PRG4: variants seen among roughly 807,000 people sequenced by gnomAD.
The protein encoded by PRG4 is proteoglycan 4.
PRG4 carries 61 observed loss-of-function variants against 91.2 expected under a neutral mutation model. The ratio of observed to expected loss-of-function variants is 0.67; its 90% CI spans 0.54 to 0.83. The LOEUF is 0.83. Among genes scored for constraint, PRG4 ranks in the 40% least tolerant of loss-of-function variants. The pLI is 0.00. For missense variants in PRG4, 1,564 were observed against 1,714.2 expected, an observed-to-expected ratio of 0.91 and a Z score of 1.55; for synonymous variants, 576 against 614.2, an observed-to-expected ratio of 0.94 and a Z score of 0.92.
chr1:186,301,781 A>G, intron 4 of PRG4, 70 bp downstream of exon 4: 2 of 1,532,830 alleles, frequency 1.3e-6, no homozygotes, highest in Non-Finnish European at 1.8e-6. Flanking sequence ...AGCATCACTG[A>G]TAATGTCTAA....
rs949655535 is a variant in PRG4, at chr1:186,304,207, C to G, written c.419C>G (p.Pro140Arg). The change falls in exon 5 of 13, where the codon CCA becomes CGA. Residue 140 changes from proline to arginine, a missense_variant. By Grantham distance (103) the Pro-to-Arg change is moderately radical. This residue lies in a region of PRG4 where 437 missense variants were observed against 459.0 expected (regional missense o/e 0.95). Transcript: ENST00000445192. ...ACAACCAAACGTTCACCCAAACCACCAAACAAGAAGAAGACTAAGAAAGTT... is the reference window on the plus strand; with the variant it reads ...ACAACCAAACGTTCACCCAAACCACGAAACAAGAAGAAGACTAAGAAAGTT... The part of the protein sequence containing the change: ...KSTTKRSPKP[P>R]NKKKTKKVIE... The G allele has an allele frequency of 1.5e-5, 25 of 1,613,568 alleles. No individual in the cohort carries two copies. The highest frequency in any genetic ancestry group is 1.9e-5 in the Non-Finnish European group (22 of 1,179,636).
intron 12 of PRG4, 187 bp downstream of exon 12, chr1:186,313,081 C>T (rs1451391877): frequency 1.6e-6 from 1 of 617,424 alleles, no homozygotes; most frequent in African/African-American, 1.8e-5. Flanking sequence ...CACTGCAATT[C>T]AATTCTGCTC....
Position 186,308,392 on chromosome 1 carries a change from C to T in PRG4, c.2673C>T (p.Asn891=), listed in dbSNP as rs1656902970. ...AACCCACACCAAAAGCTCTTGAAAA[C>T]AGTCCCAAGGAACCTGGTGTACCTA... ...SAEPTPKALE[N]SPKEPGVPTT... Residue 891 remains asparagine, a synonymous_variant, in exon 7 of 13, where the codon AAC becomes AAT. Transcript: ENST00000445192. 5 of 1,613,940 alleles carry T rather than the reference C, an allele frequency of 3.1e-6. No homozygotes were observed. The highest frequency in any genetic ancestry group is 4.2e-6 in the Non-Finnish European group (5 of 1,180,038).
chr1:186,301,958 A>T (rs1319343119), intron 4 of PRG4, among the ~76,000 whole-genome samples: 3 of 152,294 alleles, frequency 2.0e-5, no homozygotes, highest in Middle Eastern at 3.4e-3. Context: ...AACATAGAGG[A>T]TGAGGCTGAA....
At chr1:186,300,013 G>T (rs1656095573) in intron 2 of PRG4, 78 bp from the exon 3 acceptor site, 4 of 1,532,342 alleles carry the variant, frequency 2.6e-6, no homozygotes, top group Non-Finnish European at 1.8e-6. Flanking sequence ...TCACCAAGTG[G>T]CTTTGTCCCC....
chr1:186,314,060 C>T lies in PRG4; in HGVS notation c.*282C>T. ...GAAAAAAGAATCAAATTGAATATAT[C>T]TTTTAAGAATTCAAAACTAGTGTAT... is the stretch of plus-strand genomic sequence containing the variant. On this transcript the variant is annotated 3_prime_UTR_variant, in exon 13 of 13. Transcript: ENST00000445192. 2 of 1,591,630 alleles carry T rather than the reference C, an allele frequency of 1.3e-6. No individual in the cohort carries two copies. Among genetic ancestry groups the T allele is most frequent in the Non-Finnish European group, 1.7e-6 (2 of 1,168,370 alleles).
At chr1:186,298,480 G>C (rs1333579848) in intron 2 of PRG4, among the ~76,000 whole-genome samples, 1 of 150,836 alleles carries the variant, frequency 6.6e-6, no homozygotes, top group Non-Finnish European at 1.5e-5. Flanking sequence ...TTCCTGTAAG[G>C]ATGATTTCCT....
chr1:186,308,792 A>G lies in PRG4; in HGVS notation c.3073A>G (p.Thr1025Ala), dbSNP rs1557958431. ...KATTPKPQKP[T>A]KAPKKPTSTK... ...GACAACTCCTAAACCTCAAAAGCCA[A>G]CCAAAGCACCCAAAAAACCCACTTC... Residue 1025 changes from threonine to alanine, a missense_variant, in exon 7 of 13, where the codon ACC becomes GCC. Thr to Ala is a moderately conservative substitution (Grantham distance 58, BLOSUM62 0). This residue lies in a region of PRG4 where 1,079 missense variants were observed against 1,162.2 expected (regional missense o/e 0.93). Coordinates refer to ENST00000445192, the MANE Select transcript of PRG4 (RefSeq NM_005807.6). 1 of 1,613,926 alleles carries G rather than the reference A, an allele frequency of 6.2e-7. No individual in the cohort carries two copies. The highest frequency in any genetic ancestry group is 8.5e-7 in the Non-Finnish European group (1 of 1,180,014).
At position 186,308,968 on chromosome 1, in the gene PRG4, A is replaced by G. The variant is rs376946019; in HGVS notation, c.3249A>G (p.Pro1083=). Residue 1083 remains proline (P), a synonymous_variant, in exon 7 of 13, where the codon CCA becomes CCG. Coordinates refer to ENST00000445192, the MANE Select transcript of PRG4 (RefSeq NM_005807.6). ...LQTTTRPNQT[P]NSKLVEVNPK... ...CCACCACCAGACCTAACCAAACTCCAAACTCCAAACTAGTTGAAGTAAATC... is the reference window on the plus strand; with the variant it reads ...CCACCACCAGACCTAACCAAACTCCGAACTCCAAACTAGTTGAAGTAAATC... 3.1e-6 allele frequency: 5 copies of G among 1,607,264 alleles called. No individual in the cohort carries two copies. The highest frequency in any genetic ancestry group is 1.3e-5 in the African/African-American group (1 of 74,432).
Position 186,300,071 on chromosome 1 carries a change from C to T in PRG4, c.77-20C>T. ...ATAAAGTGGTTTGGCCATATTTACG[C>T]CAGTATTGTATAATTTTAGATTTAT... On this transcript the variant is annotated intron_variant, in intron 2 of 12. Transcript: ENST00000445192. 6.2e-7 allele frequency: 1 copy of T among 1,613,764 alleles called. No homozygotes were observed. Among genetic ancestry groups the T allele is most frequent in the Non-Finnish European group, 8.5e-7 (1 of 1,179,680 alleles).
At chr1:186,299,896 T>C (rs1656087717) in intron 2 of PRG4, among the ~76,000 whole-genome samples, 195 bp from the exon 3 acceptor site, 1 of 152,154 alleles carries the variant, frequency 6.6e-6, no homozygotes. Context: ...CTCAGTCTAG[T>C]GAAGAATAAA....
Position 186,309,012 on chromosome 1 carries a change from G to A in PRG4, c.3293G>A (p.Gly1098Asp). 3 of 1,611,144 alleles carry A rather than the reference G, an allele frequency of 1.9e-6. No homozygotes were observed. Among genetic ancestry groups the A allele is most frequent in the Non-Finnish European group, 2.5e-6 (3 of 1,178,158 alleles). Reference sequence around the variant, plus strand: ...GTAAATCCAAAGAGTGAAGATGCAGGTGGTGCTGAAGGAGAAACACCTCAT... The same window carrying A: ...GTAAATCCAAAGAGTGAAGATGCAGATGGTGCTGAAGGAGAAACACCTCAT... ...VEVNPKSEDAGGAEGETPHML... is the reference protein window; with the variant it reads ...VEVNPKSEDADGAEGETPHML... The change falls in exon 7 of 13, where the codon GGT (glycine) becomes GAT (aspartate). Residue 1098 changes from glycine (G) to aspartate (D), a missense_variant. Transcript: ENST00000445192.
At chr1:186,296,676 T>C (rs1429492287) in intron 1 of PRG4, among the ~76,000 whole-genome samples, 170 bp from the exon 2 acceptor site, 2 of 152,220 alleles carry the variant, frequency 1.3e-5, no homozygotes, top group East Asian at 3.8e-4. Context: ...AGATTAAGTC[T>C]AATGGCCAAA....
In PRG4 at chr1:186,303,440, C is replaced by T. The variant is rs1434222286; in HGVS notation, c.320-668C>T. 5.8e-5 allele frequency among the ~76,000 whole-genome samples: 8 copies of T among 138,880 alleles called. No individual in the cohort carries two copies. The South Asian group carries it at 1.4e-3, about 25-fold the overall frequency. The allele number at this position is 138,880 out of a possible 152,430, so 91.1% of individuals were successfully genotyped here. A position where few individuals can be genotyped will look rare whatever the true frequency, so the allele number is the denominator to read the frequency against. ...TGCTGTTTTCTTATCCTTCATTAGT[C>T]CCTCTTCTTGTTCCTAAAAAAAAAA... On this transcript the variant is annotated intron_variant, in intron 4 of 12. Transcript: ENST00000445192.
Position 186,308,541 on chromosome 1 carries a change from C to T in PRG4, c.2822C>T (p.Thr941Ile). 1.9e-6 allele frequency: 3 copies of T among 1,613,676 alleles called. No individual in the cohort carries two copies. The highest frequency in any genetic ancestry group is 1.7e-6 in the Non-Finnish European group (2 of 1,180,026). The change falls in exon 7 of 13, where the codon ACA (threonine) becomes ATA (isoleucine). Residue 941 changes from threonine to isoleucine, a missense_variant. This residue lies in a region of PRG4 where 1,079 missense variants were observed against 1,162.2 expected (regional missense o/e 0.93). Transcript: ENST00000445192. ...GCTGCACCTAAGATGACAAAAGAGA[C>T]AGCAACTACAACAGAAAAAACTACC... is the stretch of plus-strand genomic sequence containing the variant. ...TTAAPKMTKE[T>I]ATTTEKTTES... is the part of the protein sequence containing the mutation.
chr1:186,304,034 T>C, intron 4 of PRG4, 74 bp from the exon 5 acceptor site: 1 of 1,508,538 alleles, frequency 6.6e-7, no homozygotes, highest in South Asian at 1.1e-5. Context: ...GCTAGATGCA[T>C]CTGTGCTTTT....
chr1:186,305,001 C>A (rs6425024), intron 6 of PRG4, 79 bp downstream of exon 6: 2 of 1,445,110 alleles, frequency 1.4e-6, no homozygotes, highest in Non-Finnish European at 1.9e-6. Flanking sequence ...TGCGTGTTGG[C>A]AGAATGAGGA....
At position 186,307,256 on chromosome 1, in the gene PRG4, G is replaced by C; in HGVS notation, c.1537G>C (p.Glu513Gln). 6.7e-7 allele frequency: 1 copy of C among 1,495,880 alleles called. No homozygotes were observed. Among genetic ancestry groups the C allele is most frequent in the Non-Finnish European group, 8.9e-7 (1 of 1,121,318 alleles). 92.7% of individuals were successfully genotyped at this position (1,495,880 alleles called of 1,614,324 possible). ...GGAGCCTGCACCCACCACCACCAAG[G>C]AGCCTTCACCCACCACTCCCAAGGA... ...PKEPAPTTTK[E>Q]PSPTTPKEPA... Residue 513 changes from glutamate to glutamine, a missense_variant, in exon 7 of 13, where the codon GAG becomes CAG. Transcript: ENST00000445192.
At chr1:186,311,010 C>T (rs748503194) in intron 8 of PRG4, 24 bp from the exon 9 acceptor site, 1 of 1,613,610 alleles carries the variant, frequency 6.2e-7, no homozygotes, top group Non-Finnish European at 8.5e-7. Context: ...AGCTTGTAGG[C>T]TGATGTCTTT....
Sources: allele counts gnomAD v4.1 joint callset (sites outside exome capture counted in the v4.1 genomes callset), GRCh38; gene constraint gnomAD v4.1.1; regional missense constraint gnomAD v4.1.1; transcripts MANE v1.5; gene names NCBI Gene and HGNC (gene_info 2026-07-23, HGNC 2026-07-21).